PCMT1: variants seen among roughly 807,000 people sequenced by gnomAD.
PCMT1 encodes the protein protein-L-isoaspartate (D-aspartate) O-methyltransferase, also known as protein-L-isoaspartate(D-aspartate) O-methyltransferase.
Under a neutral mutation model 29.2 loss-of-function variants are expected in PCMT1, and 9 were observed. The observed-to-expected ratio is 0.31, with a 90% CI of 0.19 to 0.54. PCMT1 has a LOEUF of 0.54. PCMT1 is among the 20% of genes least tolerant of loss of function. The pLI, the probability that PCMT1 is intolerant of heterozygous loss-of-function variation, is 0.95. For synonymous variants in PCMT1, 98 were observed against 97.5 expected (o/e 1.00, Z -0.03); for missense variants, 184 against 282.2 (o/e 0.65, Z 2.49).
chr6:149,765,595 T>C, intron 1 of PCMT1: 1 of 263,542 alleles, frequency 3.8e-6, no homozygotes, highest in Non-Finnish European at 7.3e-6. Flanking sequence ...AAAATATTCA[T>C]TGTTACTTGG....
intron 5 of PCMT1, among the ~76,000 whole-genome samples, chr6:149,794,483 T>G (rs184089354): frequency 8.2e-4 from 125 of 152,242 alleles, no homozygotes; most frequent in African/African-American, 3.0e-3. Context: ...CTGGGCGTGG[T>G]GGCGCACGCC....
At chr6:149,777,876 C>CTTTT (rs57484963) in intron 3 of PCMT1, among the ~76,000 whole-genome samples, 1 of 111,074 alleles carries the variant, frequency 9.0e-6, no homozygotes. Flanking sequence ...TTCTTTTCTT[C>CTTTT]TTTTTTTTTT....
intron 4 of PCMT1, among the ~76,000 whole-genome samples, chr6:149,791,349 C>T (rs749160079): frequency 2.6e-5 from 4 of 152,196 alleles, no homozygotes; most frequent in Non-Finnish European, 5.9e-5. Flanking sequence ...ATACTTCTGC[C>T]TTTTCTCATC....
intron 1 of PCMT1, among the ~76,000 whole-genome samples, chr6:149,756,353 C>T (rs1427141053): frequency 1.4e-5 from 2 of 141,670 alleles, no homozygotes; most frequent in South Asian, 2.2e-4. Flanking sequence ...TATTCTTTCC[C>T]TTTTTTTTTT....
chr6:149,760,505 T>C (rs1172022610), intron 1 of PCMT1, among the ~76,000 whole-genome samples: 1 of 152,132 alleles, frequency 6.6e-6, no homozygotes, highest in Non-Finnish European at 1.5e-5. Context: ...CATTTCCCTC[T>C]TCCAGCCAAT....
chr6:149,769,203 T>C (rs915009428), intron 1 of PCMT1, among the ~76,000 whole-genome samples: 10 of 151,982 alleles, frequency 6.6e-5, no homozygotes, highest in African/African-American at 1.7e-4. Context: ...ACAGAGTTCA[T>C]TGTGTACCCC....
chr6:149,794,727 G>C (rs1437222319), intron 5 of PCMT1: 1 of 443,490 alleles, frequency 2.3e-6, no homozygotes, highest in Non-Finnish European at 4.5e-6. Flanking sequence ...CTTGGCCTTT[G>C]CCCTGATCCT....
chr6:149,787,324 G>A (rs1372174305), intron 3 of PCMT1, among the ~76,000 whole-genome samples: 1 of 147,212 alleles, frequency 6.8e-6, no homozygotes. Flanking sequence ...GAGGGAGAGG[G>A]AGCGGGAGCG....
rs754588869 is a variant in PCMT1, at chr6:149,750,139, C to T, written c.55+183C>T. On this transcript the variant is annotated intron_variant, in intron 1 of 7. Coordinates refer to ENST00000464889, the MANE Select transcript of PCMT1 (RefSeq NM_001360452.2). Reference sequence around the variant, plus strand: ...GTCGCCTCCCTCGGGACCTGTCACTCGTCGACGACGTGGACTGGAAGGGGA... The same window carrying T: ...GTCGCCTCCCTCGGGACCTGTCACTTGTCGACGACGTGGACTGGAAGGGGA... 1.0e-5 allele frequency: 8 copies of T among 789,802 alleles called. 1 individual carries two copies. The highest frequency in any genetic ancestry group is 5.8e-5 in the South Asian group (3 of 51,866). The allele number at this position is 789,802 out of a possible 1,614,324, so 48.9% of individuals were successfully genotyped here.
intron 1 of PCMT1, among the ~76,000 whole-genome samples, chr6:149,752,588 T>C (rs1338959919): frequency 6.6e-6 from 1 of 152,202 alleles, no homozygotes; most frequent in Non-Finnish European, 1.5e-5. Context: ...ACAACAGTAG[T>C]ATGAAGTATG....
intron 3 of PCMT1, among the ~76,000 whole-genome samples, chr6:149,781,435 C>T (rs998005394): frequency 6.6e-6 from 1 of 152,076 alleles, no homozygotes; most frequent in Non-Finnish European, 1.5e-5. Flanking sequence ...CCGTGTTGGC[C>T]AGGCTGGTCT....
At chr6:149,778,214 T>C (rs769826303) in intron 3 of PCMT1, among the ~76,000 whole-genome samples, 6 of 150,692 alleles carry the variant, frequency 4.0e-5, no homozygotes, top group Non-Finnish European at 8.9e-5. Context: ...TTAATTTTTT[T>C]TAACATTTTA....
chr6:149,791,359 C>A (rs1163591196), intron 4 of PCMT1, among the ~76,000 whole-genome samples: 1 of 152,202 alleles, frequency 6.6e-6, no homozygotes, highest in African/African-American at 2.4e-5. Flanking sequence ...CTTTTCTCAT[C>A]AGAGTCTTAT....
intron 4 of PCMT1, among the ~76,000 whole-genome samples, chr6:149,791,744 C>G (rs1788382105): frequency 6.6e-6 from 1 of 152,042 alleles, no homozygotes; most frequent in African/African-American, 2.4e-5. Context: ...TAATGGATAT[C>G]AGTGATTTTT....
chr6:149,750,546 G>A (rs1266028510), intron 1 of PCMT1, among the ~76,000 whole-genome samples: 1 of 152,136 alleles, frequency 6.6e-6, no homozygotes, highest in Non-Finnish European at 1.5e-5. Flanking sequence ...AATTTCTCGG[G>A]CGGCTGTCCA....
intron 6 of PCMT1, 91 bp from the exon 7 acceptor site, chr6:149,802,109 A>G: frequency 1.1e-6 from 1 of 884,930 alleles, no homozygotes. Flanking sequence ...AGCCTGGGCG[A>G]CAGAGTGAGA....
chr6:149,801,190 C>T (rs1238952994), intron 6 of PCMT1, among the ~76,000 whole-genome samples: 1 of 152,064 alleles, frequency 6.6e-6, no homozygotes, highest in Non-Finnish European at 1.5e-5. Context: ...AATGAGATAT[C>T]TTGGGAATGG....
At chr6:149,807,916 A>T (rs1776058366) in intron 7 of PCMT1, among the ~76,000 whole-genome samples, 1 of 152,158 alleles carries the variant, frequency 6.6e-6, no homozygotes, top group Admixed American at 6.5e-5. Flanking sequence ...ATCTCTTTAC[A>T]TATGTTCCAG....
chr6:149,785,328 A>T (rs1431369163), intron 3 of PCMT1, among the ~76,000 whole-genome samples: 10 of 74,856 alleles, frequency 1.3e-4, no homozygotes, highest in African/African-American at 3.0e-4. Context: ...TTTTCGTTCT[A>T]TCTTTCTCTT....
Sources: allele counts gnomAD v4.1 joint callset (sites outside exome capture counted in the v4.1 genomes callset), GRCh38; gene constraint gnomAD v4.1.1; transcripts MANE v1.5; gene names NCBI Gene and HGNC (gene_info 2026-07-23, HGNC 2026-07-21).